FBP1: variants seen among roughly 807,000 people sequenced by gnomAD.
The protein encoded by FBP1 is fructose-bisphosphatase 1, also known as fructose-1,6-bisphosphatase 1.
A neutral mutation model predicts 29.9 loss-of-function variants in FBP1; 22 were observed. The observed-to-expected ratio is 0.74, with a 90% CI of 0.53 to 1.05. The LOEUF is 1.05. FBP1 is among the 50% of genes least tolerant of loss of function. FBP1 has a pLI of 0.00. For synonymous variants in FBP1, 175 were observed against 178.6 expected (o/e 0.98, Z 0.16); for missense variants, 345 against 448.2 (o/e 0.77, Z 2.08).
intron 1 of FBP1, among the ~76,000 whole-genome samples, chr9:94,630,626 C>T (rs994393894): frequency 6.6e-6 from 1 of 152,180 alleles, no homozygotes; most frequent in Non-Finnish European, 1.5e-5. Context: ...TGAGTTGATA[C>T]AGGTAAAGTG....
chr9:94,603,517 C>A lies in FBP1; in HGVS notation c.881G>T (p.Gly294Val), dbSNP rs780528686. Residue 294 changes from glycine (G) to valine (V), a missense_variant, in exon 7 of 7, where the codon GGA becomes GTA. Gly to Val is a moderately radical substitution (Grantham distance 109). Transcript: ENST00000375326. Reference sequence around the variant, plus strand: ...GGCCTCCTTCCCAGTGGTGGCCATTCCCCCAGCCTTCTCCATGACGTAGGC... The same window carrying A: ...GGCCTCCTTCCCAGTGGTGGCCATTACCCCAGCCTTCTCCATGACGTAGGC... ...PMAYVMEKAG[G>V]MATTGKEAVL... The A allele has an allele frequency of 3.9e-5, 63 of 1,613,962 alleles. No individual in the cohort carries two copies. The highest frequency in any genetic ancestry group is 5.1e-5 in the Non-Finnish European group (60 of 1,179,946).
chr9:94,632,496 C>T (rs1353279067), intron 1 of FBP1, among the ~76,000 whole-genome samples: 2 of 152,060 alleles, frequency 1.3e-5, no homozygotes, highest in East Asian at 1.9e-4. Flanking sequence ...AGTGAAACCC[C>T]GTCTCTACTA....
At chr9:94,635,121 A>C (rs545702875) in intron 1 of FBP1, among the ~76,000 whole-genome samples, 3 of 151,476 alleles carry the variant, frequency 2.0e-5, no homozygotes, top group African/African-American at 7.3e-5. Context: ...CCAGTTAACT[A>C]ATAGATGAGA....
intron 3 of FBP1, 70 bp downstream of exon 3, chr9:94,617,698 G>A (rs1827883355): frequency 3.0e-6 from 3 of 1,009,038 alleles, no homozygotes; most frequent in South Asian, 1.3e-5. Flanking sequence ...CTCTGCCACA[G>A]TGAAATAGGA....
chr9:94,620,552 A>G (rs1482999371), intron 1 of FBP1, 61 bp from the exon 2 acceptor site: 7 of 1,526,802 alleles, frequency 4.6e-6, no homozygotes, highest in Non-Finnish European at 6.3e-6. Flanking sequence ...AGATGAGTCC[A>G]TAAACCCACC....
At chr9:94,626,508 G>A (rs773745087) in intron 1 of FBP1, among the ~76,000 whole-genome samples, 3 of 152,186 alleles carry the variant, frequency 2.0e-5, no homozygotes, top group Admixed American at 6.5e-5. Flanking sequence ...GGGCTGCACA[G>A]CCATGATGAG....
intron 3 of FBP1, among the ~76,000 whole-genome samples, chr9:94,615,534 G>A (rs1827849727): frequency 6.6e-6 from 1 of 152,158 alleles, no homozygotes; most frequent in Admixed American, 6.5e-5. Flanking sequence ...ATTTTGCAAG[G>A]AAAATTGCAT....
At chr9:94,626,428 C>T (rs1828026887) in intron 1 of FBP1, among the ~76,000 whole-genome samples, 1 of 152,152 alleles carries the variant, frequency 6.6e-6, no homozygotes, top group South Asian at 2.1e-4. Flanking sequence ...GTCTCCAGGT[C>T]TCCTCTGAGC....
intron 1 of FBP1, among the ~76,000 whole-genome samples, chr9:94,624,391 G>A (rs1193053704): frequency 1.4e-5 from 2 of 147,062 alleles, no homozygotes; most frequent in African/African-American, 5.0e-5. Flanking sequence ...GGTGGCTCAC[G>A]CCTGTAATCC....
intron 4 of FBP1, 75 bp downstream of exon 4, chr9:94,609,846 G>A: frequency 6.5e-7 from 1 of 1,533,814 alleles, no homozygotes; most frequent in South Asian, 1.1e-5. Context: ...ACATACCCCT[G>A]CCAATCCCCC....
At chr9:94,626,115 T>C (rs995350745) in intron 1 of FBP1, among the ~76,000 whole-genome samples, 1 of 152,132 alleles carries the variant, frequency 6.6e-6, no homozygotes, top group Non-Finnish European at 1.5e-5. Context: ...TAAGCGTCCT[T>C]CCCCTCTTCT....
chr9:94,623,614 A>G (rs1331670968), intron 1 of FBP1, among the ~76,000 whole-genome samples: 1 of 152,200 alleles, frequency 6.6e-6, no homozygotes, highest in Non-Finnish European at 1.5e-5. Flanking sequence ...GGAAAGTCCT[A>G]TATTACCTTT....
chr9:94,620,104 G>T (rs1827923769), intron 2 of FBP1, among the ~76,000 whole-genome samples: 1 of 152,104 alleles, frequency 6.6e-6, no homozygotes, highest in Non-Finnish European at 1.5e-5. Context: ...GAGTTTGTGG[G>T]AGTCCACTGG....
rs752536186 is a variant in FBP1 at position 94,639,239 on chromosome 9, C to T, written c.72G>A (p.Lys24=). The change falls in exon 1 of 7, where the codon AAG becomes AAA. Residue 24 remains lysine (K), a synonymous_variant. Transcript: ENST00000375326. ...GGGTCAACTCGCCCGTGCCGCGGGC[C>T]TTCCTGCCCTCCTCCATGACGAAGC... ...LTRFVMEEGR[K]ARGTGELTQL... is the part of the protein sequence containing the mutation. 5.0e-6 allele frequency: 8 copies of T among 1,602,086 alleles called. No homozygotes were observed. The highest frequency in any genetic ancestry group is 1.6e-4 in the Middle Eastern group (1 of 6,064).
chr9:94,606,905 C>CT lies in FBP1; in HGVS notation c.614dup (p.Lys206GlufsTer3). 1 of 1,614,112 alleles carries CT rather than the reference C, an allele frequency of 6.2e-7. No homozygotes were observed. Among genetic ancestry groups the CT allele is most frequent in the Non-Finnish European group, 8.5e-7 (1 of 1,179,974 alleles). ...CGTTAAGGCTGTAGATTTTACCTTT[C>CT]TTTTTTATCTTCACATCCTTGTCCA... On this transcript the variant is annotated frameshift_variant, in exon 5 of 7. Coordinates refer to ENST00000375326, the MANE Select transcript of FBP1 (RefSeq NM_000507.4). LOFTEE classifies it high-confidence loss of function.
chr9:94,603,594 C>A (rs28369775), intron 6 of FBP1, 22 bp from the exon 7 acceptor site: 9 of 1,610,788 alleles, frequency 5.6e-6, no homozygotes, highest in African/African-American at 4.0e-5. Flanking sequence ...GACCGGGTAG[C>A]GGCCTCCTTG....
At chr9:94,634,293 CAA>C (rs1480502775) in intron 1 of FBP1, among the ~76,000 whole-genome samples, 28 of 89,842 alleles carry the variant, frequency 3.1e-4, no homozygotes, top group Admixed American at 2.6e-4. Flanking sequence ...GACTCTGCCT[CAA>C]AAAAAAAAAA....
chr9:94,629,202 G>A (rs1828067534), intron 1 of FBP1, among the ~76,000 whole-genome samples: 1 of 151,864 alleles, frequency 6.6e-6, no homozygotes, highest in Non-Finnish European at 1.5e-5. Flanking sequence ...GGCTGGTGTC[G>A]AACTCCTGAC....
At chr9:94,614,009 A>T (rs1048557391) in intron 3 of FBP1, among the ~76,000 whole-genome samples, 1 of 149,628 alleles carries the variant, frequency 6.7e-6, no homozygotes, top group African/African-American at 2.5e-5. Context: ...TGAACCCGGG[A>T]GGCAGGGCTT....
Sources: allele counts gnomAD v4.1 joint callset (sites outside exome capture counted in the v4.1 genomes callset), GRCh38; gene constraint gnomAD v4.1.1; transcripts MANE v1.5; gene names NCBI Gene and HGNC (gene_info 2026-07-23, HGNC 2026-07-21).